HENMT1: variants seen among roughly 807,000 people sequenced by gnomAD.
HENMT1 encodes small RNA 2'-O-methyltransferase.
HENMT1 carries 27 observed loss-of-function variants against 31.1 expected under a neutral mutation model. The ratio of observed to expected loss-of-function variants is 0.87; its 90% CI spans 0.64 to 1.20. HENMT1 has a LOEUF of 1.20. Among genes scored for constraint, HENMT1 ranks in the 50% most tolerant of loss-of-function variants. The probability of loss-of-function intolerance (pLI) is 0.00; values close to 1 mark genes in which losing one functional copy is unlikely to be tolerated. For synonymous variants in HENMT1, 167 were observed against 172.2 expected, an observed-to-expected ratio of 0.97 and a Z score of 0.24; for missense variants, 438 against 469.6, an observed-to-expected ratio of 0.93 and a Z score of 0.62.
chr1:108,659,939 T>G lies in HENMT1; in HGVS notation c.-55A>C. The stretch of plus-strand genomic sequence containing the variant: ...TGAAGATTTATCCTTCAAGCTCTAT[T>G]TGAGAGAATCAGCACTGACTCAGCT... On this transcript the variant is annotated 5_prime_UTR_variant, in exon 2 of 8. Coordinates refer to ENST00000651461, the MANE Select transcript of HENMT1 (RefSeq NM_001102592.2). 1 of 1,567,702 alleles carries G rather than the reference T, an allele frequency of 6.4e-7. No individual in the cohort carries two copies. The highest frequency in any genetic ancestry group is 1.2e-5 in the South Asian group (1 of 84,104).
intron 3 of HENMT1, among the ~76,000 whole-genome samples, chr1:108,656,386 T>G (rs1310138580): frequency 2.6e-5 from 4 of 152,218 alleles, no homozygotes; most frequent in Non-Finnish European, 4.4e-5. Flanking sequence ...CGCATCTAAT[T>G]CACATCCAAT....
At chr1:108,654,415 TG>T (rs1397110705) in intron 5 of HENMT1, among the ~76,000 whole-genome samples, 5 of 151,924 alleles carry the variant, frequency 3.3e-5, no homozygotes, top group African/African-American at 1.2e-4. Context: ...TAAAGGGAGA[TG>T]GAGGAGGGGT....
chr1:108,654,772 G>A lies in HENMT1; in HGVS notation c.342C>T (p.Ser114=), dbSNP rs1199986126. ...LNLTITLYHG[S]VVERDSRLLG... is the part of the protein sequence containing the mutation. ...GCAAACGAGAGTCTCTCTCCACAACGGAGCCATGATACAATGTGATGGTCA... is the reference window on the plus strand; with the variant it reads ...GCAAACGAGAGTCTCTCTCCACAACAGAGCCATGATACAATGTGATGGTCA... The change falls in exon 5 of 8, where the codon TCC becomes TCT. Residue 114 remains serine, a synonymous_variant. Transcript: ENST00000651461. The A allele has an allele frequency of 1.9e-6, 3 of 1,614,062 alleles. No individual in the cohort carries two copies. Among genetic ancestry groups the A allele is most frequent in the Non-Finnish European group, 2.5e-6 (3 of 1,179,962 alleles).
chr1:108,648,710 G>C lies in HENMT1; in HGVS notation c.1038C>G (p.Leu346=). The C allele has an allele frequency of 6.2e-7, 1 of 1,614,182 alleles. No individual in the cohort carries two copies. Residue 346 remains leucine, a synonymous_variant, in exon 8 of 8, where the codon CTC becomes CTG. Transcript: ENST00000651461. ...AGCGGTTCAACTTGGGATACGCAAG[G>C]AGTCTCTGCAGAGGTACGAAAAATT... The part of the protein sequence containing the change: ...GDKFFVPLQR[L]LAYPKLNRLC...
intron 4 of HENMT1, 133 bp from the exon 5 acceptor site, chr1:108,654,983 G>A (rs1214954300): frequency 3.3e-6 from 3 of 900,048 alleles, no homozygotes; most frequent in Non-Finnish European, 5.1e-6. Context: ...TGTTTTCCTT[G>A]TCTTGACATA....
Position 108,648,313 on chromosome 1 carries a change from C to A in HENMT1, c.*253G>T. ...TTCAAAATTAACATATTACCACATC[C>A]AACTTCTTTATTCTTGAGAAAACAA... On this transcript the variant is annotated 3_prime_UTR_variant, in exon 8 of 8. Coordinates refer to ENST00000651461, the MANE Select transcript of HENMT1 (RefSeq NM_001102592.2). 2 of 487,900 alleles carry A rather than the reference C, an allele frequency of 4.1e-6. No individual in the cohort carries two copies. The highest frequency in any genetic ancestry group is 7.3e-6 in the Non-Finnish European group (2 of 275,498). 30.2% of individuals were successfully genotyped at this position (487,900 alleles called of 1,614,324 possible).
chr1:108,649,288 T>A, intron 7 of HENMT1: 2 of 514,370 alleles, frequency 3.9e-6, no homozygotes, highest in Admixed American at 2.3e-5. Flanking sequence ...CAAAAAAAAA[T>A]GAAAAATGGT....
Position 108,650,358 on chromosome 1 carries a change from G to A in HENMT1, c.609C>T (p.Tyr203=). ...WALYVANRYD[Y]SVEFTGVGEP... is the part of the protein sequence containing the mutation. The stretch of plus-strand genomic sequence containing the variant: ...CCCCGACACCAGTAAACTCCACAGA[G>A]TAATCATAGCGATTTGCCACATATA... The change falls in exon 7 of 8, where the codon TAC becomes TAT. Residue 203 remains tyrosine (Y), a synonymous_variant. Coordinates refer to ENST00000651461, the MANE Select transcript of HENMT1 (RefSeq NM_001102592.2). 6.2e-7 allele frequency: 1 copy of A among 1,613,978 alleles called. No homozygotes were observed. Among genetic ancestry groups the A allele is most frequent in the Middle Eastern group, 1.7e-4 (1 of 6,060 alleles).
In HENMT1 at chr1:108,650,283, G is replaced by C. The variant is rs749118950; in HGVS notation, c.684C>G (p.Ile228Met). 1.2e-6 allele frequency: 2 copies of C among 1,614,114 alleles called. No individual in the cohort carries two copies. Among genetic ancestry groups the C allele is most frequent in the Non-Finnish European group, 1.7e-6 (2 of 1,179,972 alleles). Reference sequence around the variant, plus strand: ...TTGCCTTTCCTCCATTTTTCCGGAAGATTCCTATCTGGGTACAGTATCCAA... The same window carrying C: ...TTGCCTTTCCTCCATTTTTCCGGAACATTCCTATCTGGGTACAGTATCCAA... ...ENVGYCTQIG[I>M]FRKNGGKATE... The change falls in exon 7 of 8, where the codon ATC becomes ATG. Residue 228 changes from isoleucine to methionine, a missense_variant. Physicochemically the swap from Ile to Met is conservative, Grantham distance 10. Coordinates refer to ENST00000651461, the MANE Select transcript of HENMT1 (RefSeq NM_001102592.2).
chr1:108,661,086 T>A lies in HENMT1; in HGVS notation c.-202A>T. On this transcript the variant is annotated 5_prime_UTR_variant, in exon 1 of 8. Coordinates refer to ENST00000651461, the MANE Select transcript of HENMT1 (RefSeq NM_001102592.2). Reference sequence around the variant, plus strand: ...CAGCGTCCTCAACTCAGCGCCGCCCTGACGCCCGCGCACGCACGGCCTCGC... The same window carrying A: ...CAGCGTCCTCAACTCAGCGCCGCCCAGACGCCCGCGCACGCACGGCCTCGC... 1.3e-6 allele frequency: 1 copy of A among 778,384 alleles called. No individual in the cohort carries two copies. The highest frequency in any genetic ancestry group is 1.6e-6 in the Non-Finnish European group (1 of 641,118). The allele number at this position is 778,384 out of a possible 1,614,324, so 48.2% of individuals were successfully genotyped here. A position where few individuals can be genotyped will look rare whatever the true frequency, so the allele number is the denominator to read the frequency against.
Position 108,650,229 on chromosome 1 carries a change from A to T in HENMT1, c.738T>A (p.Asp246Glu). The T allele has an allele frequency of 6.2e-7, 1 of 1,614,090 alleles. No individual in the cohort carries two copies. The highest frequency in any genetic ancestry group is 1.3e-5 in the African/African-American group (1 of 75,028). Residue 246 changes from aspartate (D) to glutamate (E), a missense_variant, in exon 7 of 8, where the codon GAT becomes GAA. Coordinates refer to ENST00000651461, the MANE Select transcript of HENMT1 (RefSeq NM_001102592.2). ...TACTCACAGCTTTATAAACATGCTG[A>T]TCATGCTGCTCTGAAAGACATGATT... is the stretch of plus-strand genomic sequence containing the variant. ...ATESCLSEQH[D>E]QHVYKAVFTT...
Position 108,648,412 on chromosome 1 carries a change from A to G in HENMT1, c.*154T>C, listed in dbSNP as rs1037059406. The G allele has an allele frequency of 1.2e-4, 81 of 651,968 alleles. No individual in the cohort carries two copies. The East Asian group carries it at 2.0e-3, about 16-fold the overall frequency. The allele number at this position is 651,968 out of a possible 1,614,324, so 40.4% of individuals were successfully genotyped here. A position where few individuals can be genotyped will look rare whatever the true frequency, so the allele number is the denominator to read the frequency against. ...TCTCAGGGCTCACTGCAGTCTGGCC[A>G]TATCTCAAGCAGGTCTGTCCAATGG... On this transcript the variant is annotated 3_prime_UTR_variant, in exon 8 of 8. Transcript: ENST00000651461.
At position 108,648,600 on chromosome 1, in the gene HENMT1, A is replaced by G; in HGVS notation, c.1148T>C (p.Leu383Pro). The G allele has an allele frequency of 6.2e-7, 1 of 1,613,890 alleles. No homozygotes were observed. ...SSDGSAVVAD[L>P]RNYFDEQFEF ...AAACTGTTCATCAAAATAATTACGC[A>G]GGTCAGCCACCACTGCAGAACCATC... The change falls in exon 8 of 8, where the codon CTG becomes CCG. Residue 383 changes from leucine (L) to proline (P), a missense_variant. Transcript: ENST00000651461.
chr1:108,660,043 CTCTT>C (rs1293649011), intron 1 of HENMT1, 81 bp from the exon 2 acceptor site: 4 of 598,762 alleles, frequency 6.7e-6, no homozygotes, highest in African/African-American at 6.0e-5. Flanking sequence ...GAACGAAAGC[CTCTT>C]TCTTACTCCT....
intron 2 of HENMT1, among the ~76,000 whole-genome samples, chr1:108,658,118 C>T (rs59765971): frequency 0.068 from 8,726 of 128,902 alleles, 467 homozygotes; most frequent in African/African-American, 0.17. Context: ...CACACACACA[C>T]ATATATATAT....
In HENMT1 at chr1:108,657,506, T is replaced by G. The variant is rs751008065; in HGVS notation, c.95A>C (p.Tyr32Ser). 29 of 1,611,592 alleles carry G rather than the reference T, an allele frequency of 1.8e-5. 1 individual carries two copies. The Middle Eastern group carries it at 6.6e-4, about 37-fold the overall frequency. ...ETAIQFKPPLYRQRYQFVKNL... is the reference protein window; with the variant it reads ...ETAIQFKPPLSRQRYQFVKNL... Reference sequence around the variant, plus strand: ...TTTAACGAACTGGTACCGCTGTCTGTATAGTGGAGGTTTAAACTGAATTGC... The same window carrying G: ...TTTAACGAACTGGTACCGCTGTCTGGATAGTGGAGGTTTAAACTGAATTGC... Residue 32 changes from tyrosine to serine, a missense_variant, in exon 3 of 8, where the codon TAC becomes TCC. By Grantham distance (144) the Tyr-to-Ser change is moderately radical. Coordinates refer to ENST00000651461, the MANE Select transcript of HENMT1 (RefSeq NM_001102592.2).
Position 108,648,692 on chromosome 1 carries a change from C to T in HENMT1, c.1056G>A (p.Leu352=). 6.2e-7 allele frequency: 1 copy of T among 1,614,196 alleles called. No individual in the cohort carries two copies. Among genetic ancestry groups the T allele is most frequent in the African/African-American group, 1.3e-5 (1 of 75,048 alleles). Residue 352 remains leucine (L), a synonymous_variant, in exon 8 of 8, where the codon TTG becomes TTA. Coordinates refer to ENST00000651461, the MANE Select transcript of HENMT1 (RefSeq NM_001102592.2). ...TCTCTTCATTAGCACATAAGCGGTT[C>T]AACTTGGGATACGCAAGGAGTCTCT... ...PLQRLLAYPK[L]NRLCANEEMM...
At chr1:108,657,307 C>T (rs1434353391) in intron 3 of HENMT1, 144 bp downstream of exon 3, 1 of 571,946 alleles carries the variant, frequency 1.7e-6, no homozygotes, top group Non-Finnish European at 3.1e-6. Context: ...TCTTGAGACA[C>T]CTGCAGATCT....
chr1:108,650,096 C>A, intron 7 of HENMT1, 115 bp downstream of exon 7: 1 of 945,562 alleles, frequency 1.1e-6, no homozygotes, highest in South Asian at 1.3e-5. Context: ...CTAGAGTGAA[C>A]CACAAAGCAA....
Sources: allele counts gnomAD v4.1 joint callset (sites outside exome capture counted in the v4.1 genomes callset), GRCh38; gene constraint gnomAD v4.1.1; transcripts MANE v1.5; gene names NCBI Gene and HGNC (gene_info 2026-07-23, HGNC 2026-07-21).